The following ANKRD36C variants were observed in gnomAD, a reference collection of about 807,000 sequenced individuals.
ANKRD36C encodes ankyrin repeat domain 36C.
ANKRD36C carries 61 observed loss-of-function variants against 276.4 expected under a neutral mutation model. The ratio of observed to expected loss-of-function variants is 0.22; its 90% CI spans 0.18 to 0.27. The LOEUF (loss-of-function observed/expected upper bound fraction) is 0.27. Ranked by LOEUF, ANKRD36C falls within the 10% of genes least tolerant of loss-of-function variation. ANKRD36C has a pLI of 1.00. For synonymous variants in ANKRD36C, 483 were observed against 680.1 expected (o/e 0.71, Z 4.51); for missense variants, 1,447 against 2,032.3 (o/e 0.71, Z 5.54).
chr2:95,948,060 A>G (rs1212352314), intron 17 of ANKRD36C, among the ~76,000 whole-genome samples: 3 of 152,106 alleles, frequency 2.0e-5, no homozygotes, highest in African/African-American at 7.2e-5. Context: ...AAATAGGTGT[A>G]CAAGAAATGA....
At chr2:95,986,801 T>C (rs761548956) in exon 3 of ANKRD36C, 6 of 1,612,014 alleles carry the variant, frequency 3.7e-6, no homozygotes, top group Non-Finnish European at 4.2e-6. Context: ...TTTTCTATCA[T>C]GGATGTATCT....
chr2:95,968,936 G>C (rs1177192585), intron 6 of ANKRD36C, among the ~76,000 whole-genome samples: 2 of 152,122 alleles, frequency 1.3e-5, no homozygotes, highest in Admixed American at 1.3e-4. Context: ...TGCAAGATAT[G>C]GGGGGAAAGT....
At chr2:95,886,563 C>T (rs1338019633) in intron 50 of ANKRD36C, among the ~76,000 whole-genome samples, 4 of 151,724 alleles carry the variant, frequency 2.6e-5, no homozygotes, top group Admixed American at 6.6e-5. Context: ...ACAGAAGAAA[C>T]TAATCACCTG....
chr2:95,868,537 A>C (rs1484180919), intron 59 of ANKRD36C, among the ~76,000 whole-genome samples: 12 of 150,732 alleles, frequency 8.0e-5, no homozygotes, highest in Admixed American at 6.6e-4. Context: ...AGTTAAAAAC[A>C]TGTTCAGTAT....
chr2:95,873,064 C>T (rs1675853737), intron 59 of ANKRD36C, among the ~76,000 whole-genome samples: 1 of 152,136 alleles, frequency 6.6e-6, no homozygotes, highest in Non-Finnish European at 1.5e-5. Context: ...CCAGATGGAT[C>T]CACAGCCGAA....
intron 18 of ANKRD36C, 40 bp downstream of exon 18, chr2:95,945,074 A>C (rs764529702): frequency 9.2e-6 from 14 of 1,521,700 alleles, no homozygotes; most frequent in Non-Finnish European, 1.2e-5. Context: ...AAAAAAAAGA[A>C]TCAGTAGATA....
Position 95,927,289 on chromosome 2 carries a change from G to C in ANKRD36C, c.1867-3C>G, listed in dbSNP as rs759741479. On this transcript the variant is annotated splice_polypyrimidine_tract_variant and splice_region_variant and intron_variant, in intron 27 of 66. Transcript: ENST00000456556. ...GAATCTTTCTCATCACTTGTAGCCT[G>C]AATGGGATTTGAAACAAAATAATCA... 6.2e-7 allele frequency: 1 copy of C among 1,609,710 alleles called. No individual in the cohort carries two copies. The highest frequency in any genetic ancestry group is 8.5e-7 in the Non-Finnish European group (1 of 1,178,066).
chr2:95,862,900 G>C (rs2104276000), intron 60 of ANKRD36C, among the ~76,000 whole-genome samples: 1 of 151,948 alleles, frequency 6.6e-6, no homozygotes, highest in Admixed American at 6.6e-5. Flanking sequence ...ACTAGGACGT[G>C]TTCCCTAATC....
chr2:95,891,904 A>G, intron 44 of ANKRD36C, 44 bp from the exon 65 acceptor site: 1 of 1,550,964 alleles, frequency 6.4e-7, no homozygotes, highest in Non-Finnish European at 8.7e-7. Context: ...TGTAAAAATG[A>G]CAAAATTATC....
At chr2:95,874,454 G>A (rs1287161786) in intron 59 of ANKRD36C, among the ~76,000 whole-genome samples, 1 of 152,210 alleles carries the variant, frequency 6.6e-6, no homozygotes, top group South Asian at 2.1e-4. Flanking sequence ...AATAAATGGT[G>A]CTGGGAAAAC....
intron 6 of ANKRD36C, among the ~76,000 whole-genome samples, chr2:95,969,834 A>G (rs1262697177): frequency 6.6e-6 from 1 of 152,086 alleles, no homozygotes; most frequent in Non-Finnish European, 1.5e-5. Flanking sequence ...ATTACAGTAT[A>G]TTGTTACAAT....
chr2:95,891,484 C>T (rs1164224423), intron 46 of ANKRD36C, among the ~76,000 whole-genome samples, 181 bp downstream of exon 66: 5 of 151,294 alleles, frequency 3.3e-5, no homozygotes, highest in Non-Finnish European at 5.9e-5. Flanking sequence ...ACTCTTACTG[C>T]GAAGATCATG....
chr2:95,919,336 A>C (rs1265877746), intron 34 of ANKRD36C, among the ~76,000 whole-genome samples: 5 of 133,234 alleles, frequency 3.8e-5, no homozygotes, highest in East Asian at 5.4e-4. Context: ...TAGGTTATTA[A>C]TATCAGTTTT....
chr2:95,903,610 C>T (rs898499014), intron 42 of ANKRD36C, among the ~76,000 whole-genome samples: 1 of 151,138 alleles, frequency 6.6e-6, no homozygotes, highest in Non-Finnish European at 1.5e-5. Context: ...AATTAATCAC[C>T]TTGGATATCT....
At chr2:95,850,795 G>C (rs1188826188), downstream of ANKRD36C, among the ~76,000 whole-genome samples, 1 of 152,224 alleles carries the variant, frequency 6.6e-6, no homozygotes, top group South Asian at 2.1e-4. Context: ...CGAGTGTGGG[G>C]TCTGTTAGCC....
intron 52 of ANKRD36C, 61 bp downstream of exon 72, chr2:95,885,987 G>A (rs879198235): frequency 1.9e-6 from 3 of 1,566,102 alleles, no homozygotes; most frequent in Non-Finnish European, 2.6e-6. Context: ...TGATTTATTT[G>A]GGGAAGTGAA....
In ANKRD36C at chr2:95,980,640, A is replaced by C; in HGVS notation, c.731+8T>G. On this transcript the variant is annotated splice_region_variant and intron_variant, in intron 5 of 66. Coordinates refer to ENST00000456556, the Ensembl canonical transcript of ANKRD36C. Reference sequence around the variant, plus strand: ...AGTGTTCATTAGCCTTTTTATGTAAAGACTTACACTCTGTTCTTAGCCTCG... The same window carrying C: ...AGTGTTCATTAGCCTTTTTATGTAACGACTTACACTCTGTTCTTAGCCTCG... 1 of 1,606,778 alleles carries C rather than the reference A, an allele frequency of 6.2e-7. No homozygotes were observed. Among genetic ancestry groups the C allele is most frequent in the Non-Finnish European group, 8.5e-7 (1 of 1,176,754 alleles).
intron 56 of ANKRD36C, among the ~76,000 whole-genome samples, chr2:95,881,366 A>G (rs1323577998): frequency 4.6e-5 from 7 of 152,270 alleles, no homozygotes; most frequent in Admixed American, 2.6e-4. Flanking sequence ...CAGGCATTAG[A>G]TATTAATAAA....
intron 6 of ANKRD36C, among the ~76,000 whole-genome samples, chr2:95,972,216 C>T (rs893129046): frequency 2.0e-5 from 3 of 152,096 alleles, no homozygotes; most frequent in Non-Finnish European, 2.9e-5. Context: ...CTCACTATAC[C>T]TAAACTGTTT....
Sources: gnomAD v4.1 joint callset for allele counts (sites outside exome capture counted in the v4.1 genomes callset) on GRCh38, gnomAD v4.1.1 for gene constraint, MANE v1.5 for transcripts, NCBI Gene and HGNC (gene_info 2026-07-23, HGNC 2026-07-21) for gene names.